Variants in SOX5 observed in about 807,000 individuals in gnomAD.
The protein encoded by SOX5 is transcription factor SOX-5.
A neutral mutation model predicts 92.0 loss-of-function variants in SOX5; 9 were observed. The ratio of observed to expected loss-of-function variants is 0.10; its 90% CI spans 0.06 to 0.17. The LOEUF is 0.17. SOX5 is among the 10% of genes least tolerant of loss of function. The probability of loss-of-function intolerance (pLI) is 1.00; values close to 1 mark genes in which losing one functional copy is unlikely to be tolerated. For synonymous variants in SOX5, 344 were observed against 336.3 expected, an observed-to-expected ratio of 1.02 and a Z score of -0.25; for missense variants, 642 against 944.5, an observed-to-expected ratio of 0.68 and a Z score of 4.20.
At chr12:24,033,776 G>A (rs902500161) in intron 4 of SOX5, among the ~76,000 whole-genome samples, 1 of 152,026 alleles carries the variant, frequency 6.6e-6, no homozygotes, top group African/African-American at 2.4e-5. Flanking sequence ...ACAAGGGTCT[G>A]GAATCAGTAC....
At chr12:23,925,261 C>G (rs1212777676) in intron 1 of SOX5, among the ~76,000 whole-genome samples, 1 of 151,996 alleles carries the variant, frequency 6.6e-6, no homozygotes, top group Non-Finnish European at 1.5e-5. Flanking sequence ...CTTGATAATT[C>G]TGTGTGTGTT....
chr12:24,431,412 TA>T (rs1938295069), intron 1 of SOX5, among the ~76,000 whole-genome samples: 1 of 152,184 alleles, frequency 6.6e-6, no homozygotes, highest in African/African-American at 2.4e-5. Flanking sequence ...AATCAATACA[TA>T]AAAATTGCAC....
At chr12:23,990,640 GT>G (rs1950478227) in intron 4 of SOX5, among the ~76,000 whole-genome samples, 1 of 152,028 alleles carries the variant, frequency 6.6e-6, no homozygotes, top group Admixed American at 6.6e-5. Context: ...TTCTAATTCT[GT>G]ACTACACTTC....
At chr12:23,538,282 T>C (rs1591848283) in intron 13 of SOX5, among the ~76,000 whole-genome samples, 1 of 152,356 alleles carries the variant, frequency 6.6e-6, no homozygotes, top group East Asian at 1.9e-4. Context: ...CTTAGAAATG[T>C]TACCATTGGA....
At chr12:24,395,056 G>T (rs1959559406) in intron 1 of SOX5, among the ~76,000 whole-genome samples, 4 of 152,118 alleles carry the variant, frequency 2.6e-5, no homozygotes. Flanking sequence ...CGATATTAAT[G>T]ATTCTCCCAT....
intron 1 of SOX5, among the ~76,000 whole-genome samples, chr12:23,924,112 T>C (rs1939265011): frequency 6.6e-6 from 1 of 152,166 alleles, no homozygotes; most frequent in African/African-American, 2.4e-5. Context: ...TCAACAAATA[T>C]TTACAGAATT....
At chr12:24,550,602 C>G (rs543184879) in intron 1 of SOX5, among the ~76,000 whole-genome samples, 1 of 152,030 alleles carries the variant, frequency 6.6e-6, no homozygotes, top group African/African-American at 2.4e-5. Context: ...GAAGAAATAT[C>G]GGAAAGATTA....
upstream of SOX5, among the ~76,000 whole-genome samples, chr12:23,951,699 T>C (rs1265585096): frequency 1.3e-5 from 2 of 152,060 alleles, no homozygotes; most frequent in Non-Finnish European, 2.9e-5. Context: ...GATTTAAGCA[T>C]GTCACTATGG....
intron 2 of SOX5, among the ~76,000 whole-genome samples, chr12:23,883,969 A>AT (rs960276871): frequency 6.6e-5 from 10 of 150,744 alleles, no homozygotes; most frequent in South Asian, 2.1e-4. Flanking sequence ...CTCATTTCAA[A>AT]TTTTTTTTTT....
At chr12:24,523,990 G>T (rs1014772800) in intron 1 of SOX5, among the ~76,000 whole-genome samples, 1 of 152,314 alleles carries the variant, frequency 6.6e-6, no homozygotes, top group Admixed American at 6.5e-5. Context: ...AACTATATGC[G>T]ATGGTTAATT....
At chr12:24,231,739 C>T (rs1963452213) in intron 3 of SOX5, among the ~76,000 whole-genome samples, 1 of 152,166 alleles carries the variant, frequency 6.6e-6, no homozygotes, top group South Asian at 2.1e-4. Context: ...ATATTCCTTC[C>T]ACCTAAAAAC....
rs566238258 is a variant in SOX5, at chr12:24,346,993, G to A, written c.-174+21570C>T. Among the ~76,000 whole-genome samples the A allele has an allele frequency of 1.0e-3, 156 of 152,150 alleles. 1 individual carries two copies. Among genetic ancestry groups the A allele is most frequent in the African/African-American group, 3.6e-3 (151 of 41,498 alleles). ...GTATACATATGTAACAAACCTGCAC[G>A]TTGTGCACATGTACCCTAGAACTTA... On this transcript the variant is annotated intron_variant, in intron 2 of 4. Transcript: ENST00000446891.
At chr12:24,119,602 G>T in intron 4 of SOX5, among the ~76,000 whole-genome samples, 1 of 151,982 alleles carries the variant, frequency 6.6e-6, no homozygotes, top group South Asian at 2.1e-4. Context: ...AGATATTAGA[G>T]AATATTAAAA....
At chr12:24,521,974 T>C (rs1289909730) in intron 1 of SOX5, among the ~76,000 whole-genome samples, 3 of 147,814 alleles carry the variant, frequency 2.0e-5, no homozygotes, top group African/African-American at 7.5e-5. Context: ...ATAAAGACCA[T>C]AAAATAGAAA....
In SOX5 at chr12:23,601,447, A is replaced by G. The variant is rs550214766; in HGVS notation, c.1164+2940T>C. ...TGTTCCAAACAGCAAATGTACTTTT[A>G]ACTTAAACCATCAATTTGGTTTATG... On this transcript the variant is annotated intron_variant, in intron 9 of 14. Coordinates refer to ENST00000451604, the MANE Select transcript of SOX5 (RefSeq NM_006940.6). 1.8e-4 allele frequency among the ~76,000 whole-genome samples: 27 copies of G among 152,300 alleles called. No individual in the cohort carries two copies. The South Asian group carries it at 5.6e-3, about 32-fold the overall frequency.
In SOX5 at chr12:23,973,118, T is replaced by C. The variant is rs142547855; in HGVS notation, c.-1-77094A>G. On this transcript the variant is annotated intron_variant, in intron 4 of 4. Coordinates refer to the SOX5 transcript ENST00000446891. ...TTCGCTTATCATAATGTCCTCCAGG[T>C]CCATTCATTTCATCACAAATGACAG... Among the ~76,000 whole-genome samples the C allele has an allele frequency of 5.3e-4, 81 of 151,982 alleles. No individual in the cohort carries two copies. The East Asian group carries it at 0.014, about 26-fold the overall frequency.
chr12:23,644,929 G>T (rs2080629949), intron 7 of SOX5, among the ~76,000 whole-genome samples: 1 of 152,044 alleles, frequency 6.6e-6, no homozygotes, highest in Non-Finnish European at 1.5e-5. Context: ...ATTAACAAAA[G>T]CAAAATTGTA....
At chr12:24,194,162 T>C (rs1956786297) in intron 4 of SOX5, among the ~76,000 whole-genome samples, 1 of 152,194 alleles carries the variant, frequency 6.6e-6, no homozygotes, top group Admixed American at 6.5e-5. Context: ...CAAAGTCAAA[T>C]GGTAGATTTT....
intron 4 of SOX5, among the ~76,000 whole-genome samples, chr12:23,989,102 G>A (rs1029037218): frequency 2.0e-5 from 3 of 151,256 alleles, no homozygotes; most frequent in South Asian, 2.1e-4. Context: ...GGCCACGTGC[G>A]TTGGCTCATG....
Sources: gnomAD v4.1 joint callset for allele counts (sites outside exome capture counted in the v4.1 genomes callset) on GRCh38, gnomAD v4.1.1 for gene constraint, MANE v1.5 for transcripts, NCBI Gene and HGNC (gene_info 2026-07-23, HGNC 2026-07-21) for gene names.